Variants in RGSL1 observed in about 807,000 individuals in gnomAD.
RGSL1 encodes the protein regulator of G protein signaling protein-like.
A neutral mutation model predicts 124.7 loss-of-function variants in RGSL1; 97 were observed. The observed-to-expected ratio is 0.78, with a 90% CI of 0.66 to 0.92. The LOEUF is 0.92. RGSL1 is among the 40% of genes least tolerant of loss of function. The pLI is 0.00. For synonymous variants in RGSL1, 424 were observed against 438.1 expected (o/e 0.97, Z 0.40); for missense variants, 1,233 against 1,288.4 (o/e 0.96, Z 0.66).
intron 9 of RGSL1, among the ~76,000 whole-genome samples, chr1:182,510,696 GA>G (rs1359157920): frequency 1.4e-5 from 1 of 71,756 alleles, no homozygotes; most frequent in African/African-American, 5.9e-5. Flanking sequence ...GAGGGAGAGG[GA>G]GAGGGAGAGG....
In RGSL1 at chr1:182,532,647, T is replaced by G; in HGVS notation, c.2365-15T>G. 6.5e-7 allele frequency: 1 copy of G among 1,549,706 alleles called. No individual in the cohort carries two copies. Among genetic ancestry groups the G allele is most frequent in the Non-Finnish European group, 8.7e-7 (1 of 1,145,708 alleles). On this transcript the variant is annotated splice_polypyrimidine_tract_variant and intron_variant, in intron 13 of 21. Coordinates refer to ENST00000294854, the MANE Select transcript of RGSL1 (RefSeq NM_001137669.2). ...CATACTAATGAACATGTTATACTCC[T>G]CTTTCTTTCCCCAGAAGAAAGGCTG...
chr1:182,526,130 G>A (rs1409843598), intron 10 of RGSL1, among the ~76,000 whole-genome samples: 1 of 152,176 alleles, frequency 6.6e-6, no homozygotes, highest in Non-Finnish European at 1.5e-5. Context: ...GGCACAGGCA[G>A]CTTCACTGGA....
intron 3 of RGSL1, among the ~76,000 whole-genome samples, chr1:182,459,647 TAG>T (rs1315394302): frequency 6.6e-6 from 1 of 152,232 alleles, no homozygotes; most frequent in African/African-American, 2.4e-5. Flanking sequence ...GCAAGTTGAA[TAG>T]AGTTATGATC....
intron 9 of RGSL1, among the ~76,000 whole-genome samples, chr1:182,509,765 G>T (rs1447670880): frequency 5.2e-5 from 7 of 133,426 alleles, no homozygotes; most frequent in South Asian, 4.9e-4. Flanking sequence ...CGGGTGGGGG[G>T]GCTGACCCCC....
At chr1:182,452,639 G>T (rs1651942516) in intron 1 of RGSL1, among the ~76,000 whole-genome samples, 1 of 152,002 alleles carries the variant, frequency 6.6e-6, no homozygotes, top group African/African-American at 2.4e-5. Flanking sequence ...TTTTAGTAGA[G>T]ACAGGGTTTC....
intron 9 of RGSL1, among the ~76,000 whole-genome samples, chr1:182,501,307 C>CTTTTTTTTTTTTTTTTTTTTTTTTT (rs141279993): frequency 3.1e-4 from 19 of 61,348 alleles, no homozygotes; most frequent in East Asian, 5.8e-4. Context: ...TTTTTCTTTT[C>CTTTTTTTTTTTTTTTTTTTTTTTTT]TTTTTTTTTT....
intron 9 of RGSL1, among the ~76,000 whole-genome samples, chr1:182,502,635 A>G (rs1656483595): frequency 6.6e-6 from 1 of 152,196 alleles, no homozygotes; most frequent in South Asian, 2.1e-4. Context: ...CCGAATCTGG[A>G]AGGCTAGATT....
At chr1:182,527,906 A>C (rs1252617899) in intron 11 of RGSL1, 134 bp downstream of exon 11, 4 of 644,082 alleles carry the variant, frequency 6.2e-6, no homozygotes, top group Non-Finnish European at 1.0e-5. Context: ...CAATATTGAG[A>C]CAGATTAAGA....
chr1:182,463,022 GGTGGCTC>G (rs1275165319), intron 4 of RGSL1, among the ~76,000 whole-genome samples: 2 of 152,156 alleles, frequency 1.3e-5, no homozygotes, highest in Non-Finnish European at 2.9e-5. Context: ...GGCTGGGCGT[GGTGGCTC>G]ATGCCTGTAA....
At chr1:182,463,064 C>T (rs141673734) in intron 4 of RGSL1, among the ~76,000 whole-genome samples, 8,893 of 152,010 alleles carry the variant, frequency 0.059, 379 homozygotes, top group Admixed American at 0.085. Flanking sequence ...AAGGCTGAGA[C>T]GGGCGGATCA....
Position 182,488,725 on chromosome 1 carries a change from CAAAAAAAA to C in RGSL1, c.1495-239_1495-232del, listed in dbSNP as rs561296385. 43 of 95,308 alleles carry C rather than the reference CAAAAAAAA, an allele frequency of 4.5e-4. No individual in the cohort carries two copies. In the Middle Eastern group the frequency reaches 9.9e-3, roughly 22 times the overall value. 5.9% of individuals were successfully genotyped at this position (95,308 alleles called of 1,614,324 possible). On this transcript the variant is annotated intron_variant, in intron 7 of 21. Transcript: ENST00000294854. ...TGGGCGACAGAGCGAGACTCCGTCT[CAAAAAAAA>C]AAAAAAAAAAAAAAAGATGACTTTG...
chr1:182,538,122 G>C (rs1659661997), intron 14 of RGSL1, among the ~76,000 whole-genome samples: 1 of 152,182 alleles, frequency 6.6e-6, no homozygotes, highest in African/African-American at 2.4e-5. Flanking sequence ...GACAGTCAGT[G>C]TCTTAAAAAC....
intron 9 of RGSL1, among the ~76,000 whole-genome samples, chr1:182,507,928 C>T (rs569328267): frequency 1.3e-4 from 20 of 152,142 alleles, no homozygotes; most frequent in South Asian, 4.2e-4. Flanking sequence ...ATCTCGAACT[C>T]CCGGGCTCAA....
rs565527567 is a variant in RGSL1 at position 182,552,356 on chromosome 1, C to T, written c.3044-1099C>T. Among the ~76,000 whole-genome samples, 13 of 152,246 alleles carry T rather than the reference C, an allele frequency of 8.5e-5. No homozygotes were observed. The South Asian group carries it at 2.7e-3, about 32-fold the overall frequency. On this transcript the variant is annotated intron_variant, in intron 18 of 21. Transcript: ENST00000294854. ...GTCTCGATCTCCTGACCTTGTGATC[C>T]ACCCCCCTCAGTGTCCCAAAGTGCT...
chr1:182,474,502 T>C lies in RGSL1; in HGVS notation c.1391T>C (p.Val464Ala), dbSNP rs746959173. 1 of 1,549,724 alleles carries C rather than the reference T, an allele frequency of 6.5e-7. No individual in the cohort carries two copies. Among genetic ancestry groups the C allele is most frequent in the Non-Finnish European group, 8.7e-7 (1 of 1,145,442 alleles). The change falls in exon 6 of 22, where the codon GTG (valine) becomes GCG (alanine). Residue 464 changes from valine to alanine, a missense_variant. By Grantham distance (64) the Val-to-Ala change is moderately conservative. Transcript: ENST00000294854. Reference sequence around the variant, plus strand: ...AAGGAACTATTGCCCTCTGGGGATGTGATCCCCTGGATTCCCAAAGCCCAG... The same window carrying C: ...AAGGAACTATTGCCCTCTGGGGATGCGATCCCCTGGATTCCCAAAGCCCAG... ...GLKELLPSGD[V>A]IPWIPKAQKE...
intron 2 of RGSL1, among the ~76,000 whole-genome samples, chr1:182,457,559 C>A (rs1373802284): frequency 6.6e-6 from 1 of 152,184 alleles, no homozygotes; most frequent in Non-Finnish European, 1.5e-5. Context: ...CATAGACTAA[C>A]AAAAGTGTGA....
At chr1:182,519,515 C>T (rs78246007) in intron 9 of RGSL1, among the ~76,000 whole-genome samples, 3,013 of 151,984 alleles carry the variant, frequency 0.02, 102 homozygotes, top group African/African-American at 0.069. Context: ...TTTTTACTCT[C>T]ACATTTTATC....
chr1:182,525,789 A>G lies in RGSL1; in HGVS notation c.1932-1790A>G, dbSNP rs575000949. ...ACATAAAATAAAGAGAAAAACAAAG[A>G]AAATCCAGGTAAATAAGTTAGTTTT... On this transcript the variant is annotated intron_variant, in intron 10 of 21. Coordinates refer to ENST00000294854, the MANE Select transcript of RGSL1 (RefSeq NM_001137669.2). Among the ~76,000 whole-genome samples the G allele has an allele frequency of 6.6e-5, 10 of 152,254 alleles. No individual in the cohort carries two copies. In the East Asian group the frequency reaches 1.7e-3, roughly 26 times the overall value.
At chr1:182,498,515 G>A (rs1196380307) in intron 9 of RGSL1, among the ~76,000 whole-genome samples, 1 of 152,196 alleles carries the variant, frequency 6.6e-6, no homozygotes, top group Non-Finnish European at 1.5e-5. Context: ...CAGAGATTCT[G>A]ATATGTTGTA....
Sources: gnomAD v4.1 joint callset for allele counts (sites outside exome capture counted in the v4.1 genomes callset) on GRCh38, gnomAD v4.1.1 for gene constraint, MANE v1.5 for transcripts, NCBI Gene and HGNC (gene_info 2026-07-23, HGNC 2026-07-21) for gene names.